DICER1: variants seen among roughly 807,000 people sequenced by gnomAD.
DICER1 encodes dicer 1, ribonuclease III.
In DICER1, 43 loss-of-function variants were observed where a neutral mutation model predicts 194.1. That is an observed-to-expected ratio of 0.22 (90% CI 0.17 to 0.29). DICER1 has a LOEUF of 0.29. Ranked by LOEUF, DICER1 falls within the 10% of genes least tolerant of loss-of-function variation. The pLI is 1.00. For missense variants in DICER1, 1,608 were observed against 2,317.0 expected (o/e 0.69, Z 6.28); for synonymous variants, 832 against 820.5 (o/e 1.01, Z -0.24).
At chr14:95,156,357 G>A (rs940373454) in intron 1 of DICER1, among the ~76,000 whole-genome samples, 4 of 152,170 alleles carry the variant, frequency 2.6e-5, no homozygotes, top group Non-Finnish European at 4.4e-5. Flanking sequence ...TTATCGTGTA[G>A]ACCAGTAACG....
At chr14:95,144,146 ATATACT>A (rs1174279555) in intron 1 of DICER1, among the ~76,000 whole-genome samples, 2 of 152,138 alleles carry the variant, frequency 1.3e-5, no homozygotes. Context: ...ATATTTATAC[ATATACT>A]TATATATACA....
At chr14:95,123,141 G>A (rs1029924605) in intron 8 of DICER1, among the ~76,000 whole-genome samples, 14 of 152,052 alleles carry the variant, frequency 9.2e-5, no homozygotes, top group Admixed American at 8.5e-4. Context: ...AAAAATAAGA[G>A]TATCTATCTA....
Position 95,128,992 on chromosome 14 carries a change from G to C in DICER1, c.734+480C>G, listed in dbSNP as rs182031470. Reference sequence around the variant, plus strand: ...CTCAAAATAGTAACCCTCTCAAAAAGAGTCAAACCTAGAAATCACAAACAG... The same window carrying C: ...CTCAAAATAGTAACCCTCTCAAAAACAGTCAAACCTAGAAATCACAAACAG... On this transcript the variant is annotated intron_variant, in intron 6 of 26. Coordinates refer to ENST00000343455, the MANE Select transcript of DICER1 (RefSeq NM_177438.3). 2.3e-4 allele frequency: 35 copies of C among 155,434 alleles called. No individual in the cohort carries two copies. In the East Asian group the frequency reaches 5.4e-3, roughly 24 times the overall value. 9.6% of individuals were successfully genotyped at this position (155,434 alleles called of 1,614,324 possible).
intron 1 of DICER1, among the ~76,000 whole-genome samples, chr14:95,152,126 A>G (rs1895552451): frequency 6.6e-6 from 1 of 152,220 alleles, no homozygotes; most frequent in Non-Finnish European, 1.5e-5. Context: ...TATGGCATAC[A>G]TTGAGCTGTC....
In DICER1 at chr14:95,129,464, G is replaced by A. The variant is rs1060504988; in HGVS notation, c.734+8C>T. 1 of 1,612,922 alleles carries A rather than the reference G, an allele frequency of 6.2e-7. No homozygotes were observed. Among genetic ancestry groups the A allele is most frequent in the Non-Finnish European group, 8.5e-7 (1 of 1,179,142 alleles). The stretch of plus-strand genomic sequence containing the variant: ...CTCATTAAAGCTGAGTCAATCAGAA[G>A]TGCATACCTGTCTAAGACCACCAGG... On this transcript the variant is annotated splice_region_variant and intron_variant, in intron 6 of 26. Transcript: ENST00000343455.
At position 95,108,108 on chromosome 14, in the gene DICER1, AT is replaced by A; in HGVS notation, c.2437-16del. On this transcript the variant is annotated splice_polypyrimidine_tract_variant and intron_variant, in intron 15 of 26. Coordinates refer to ENST00000343455, the MANE Select transcript of DICER1 (RefSeq NM_177438.3). ...AAGTGTGGAATCTTAGCAAAAGGAA[AT>A]GTAAAGCACCCCTCAAAATTAACAG... is the stretch of plus-strand genomic sequence containing the variant. The A allele has an allele frequency of 6.3e-7, 1 of 1,582,112 alleles. No individual in the cohort carries two copies. Among genetic ancestry groups the A allele is most frequent in the Non-Finnish European group, 8.7e-7 (1 of 1,151,266 alleles).
intron 3 of DICER1, among the ~76,000 whole-genome samples, chr14:95,131,901 A>G (rs1324683474): frequency 2.0e-5 from 3 of 152,188 alleles, no homozygotes; most frequent in African/African-American, 7.2e-5. Context: ...ATTTCCTCTA[A>G]GCCACCCTCC....
chr14:95,116,765 A>C lies in DICER1; in HGVS notation c.1510-70T>G, dbSNP rs113186145. On this transcript the variant is annotated intron_variant, in intron 9 of 26. Transcript: ENST00000343455. Reference sequence around the variant, plus strand: ...CTAAAATGAACAAAAAAAATTAGTAAAAGTAAATGACAACTGTCATTTCTG... The same window carrying C: ...CTAAAATGAACAAAAAAAATTAGTACAAGTAAATGACAACTGTCATTTCTG... 330 of 1,477,750 alleles carry C rather than the reference A, an allele frequency of 2.2e-4. No homozygotes were observed. The African/African-American group carries it at 3.7e-3, about 17-fold the overall frequency. 91.5% of individuals were successfully genotyped at this position (1,477,750 alleles called of 1,614,324 possible).
chr14:95,123,875 G>A (rs922137574), intron 8 of DICER1, among the ~76,000 whole-genome samples: 1 of 152,172 alleles, frequency 6.6e-6, no homozygotes, highest in Non-Finnish European at 1.5e-5. Context: ...TATCTGAATT[G>A]AATCTAAAAT....
chr14:95,101,435 T>C lies in DICER1; in HGVS notation c.4051-1500A>G, dbSNP rs570375820. 2.6e-5 allele frequency among the ~76,000 whole-genome samples: 4 copies of C among 152,324 alleles called. No homozygotes were observed. In the South Asian group the frequency reaches 6.2e-4, roughly 24 times the overall value. On this transcript the variant is annotated intron_variant, in intron 21 of 26. Transcript: ENST00000343455. ...CCACACTTGTCCAAGCCTCTGATAC[T>C]TTCTTCCTGCAACCACCTCTTGGAA... is the stretch of plus-strand genomic sequence containing the variant.
At chr14:95,153,712 G>A (rs1460407699) in intron 1 of DICER1, among the ~76,000 whole-genome samples, 1 of 152,024 alleles carries the variant, frequency 6.6e-6, no homozygotes, top group African/African-American at 2.4e-5. Context: ...CATTTTCATA[G>A]TACTCTAATA....
At chr14:95,092,471 A>C (rs1889934882) in intron 24 of DICER1, among the ~76,000 whole-genome samples, 2 of 152,352 alleles carry the variant, frequency 1.3e-5, no homozygotes, top group Middle Eastern at 3.4e-3. Context: ...TAGCCATACA[A>C]AGTTACATAT....
In DICER1 at chr14:95,088,768, C is replaced by T. The variant is rs1388290952; in HGVS notation, c.*1730G>A. 1.7e-5 allele frequency: 4 copies of T among 231,788 alleles called. No individual in the cohort carries two copies. The highest frequency in any genetic ancestry group is 6.7e-5 in the African/African-American group (3 of 44,496). 14.4% of individuals were successfully genotyped at this position (231,788 alleles called of 1,614,324 possible). A position where few individuals can be genotyped will look rare whatever the true frequency, so the allele number is the denominator to read the frequency against. ...GAAAGCAGAGCTGACAGTTTTCTGT[C>T]GGTGCACTCGCACAGAGGCATTTCT... On this transcript the variant is annotated 3_prime_UTR_variant, in exon 27 of 27. Transcript: ENST00000343455.
At chr14:95,149,832 T>C (rs748686094) in intron 1 of DICER1, among the ~76,000 whole-genome samples, 1 of 151,114 alleles carries the variant, frequency 6.6e-6, no homozygotes, top group East Asian at 1.9e-4. Context: ...AAACTCAAAT[T>C]AGACACTTTT....
Position 95,106,386 on chromosome 14 carries a change from A to C in DICER1, c.2805-163T>G, listed in dbSNP as rs1025743296. The C allele has an allele frequency of 1.6e-5, 10 of 643,436 alleles. No homozygotes were observed. In the African/African-American group the frequency reaches 1.6e-4, roughly 11 times the overall value. The allele number at this position is 643,436 out of a possible 1,614,324, so 39.9% of individuals were successfully genotyped here. A position where few individuals can be genotyped will look rare whatever the true frequency, so the allele number is the denominator to read the frequency against. On this transcript the variant is annotated intron_variant, in intron 17 of 26. Transcript: ENST00000343455. ...TCCAAATATATTTCAAGTATGTAAG[A>C]ACTGTATTTTTATCAAGTAAAAATG... is the stretch of plus-strand genomic sequence containing the variant.
chr14:95,151,255 G>C, intron 1 of DICER1, among the ~76,000 whole-genome samples: 1 of 152,160 alleles, frequency 6.6e-6, no homozygotes, highest in East Asian at 1.9e-4. Context: ...AACCAGTATA[G>C]ATAATCCTCC....
At position 95,087,156 on chromosome 14, in the gene DICER1, C is replaced by CG. The variant is rs766696071; in HGVS notation, c.*3341dup. 1 of 233,028 alleles carries CG rather than the reference C, an allele frequency of 4.3e-6. No individual in the cohort carries two copies. 14.4% of individuals were successfully genotyped at this position (233,028 alleles called of 1,614,324 possible). On this transcript the variant is annotated 3_prime_UTR_variant, in exon 27 of 27. Coordinates refer to ENST00000343455, the MANE Select transcript of DICER1 (RefSeq NM_177438.3). ...GGGAGCGACTGAAGAAGCCGACTGC[C>CG]GGGGGAACACCTGGATTCATGAACC...
In DICER1 at chr14:95,087,216, G is replaced by C. The variant is rs1236397122; in HGVS notation, c.*3282C>G. Reference sequence around the variant, plus strand: ...TCAAGTTTCATGTTGTCAAGGCAGGGTATCAGAATCTTTCTGAGGGCAAAG... The same window carrying C: ...TCAAGTTTCATGTTGTCAAGGCAGGCTATCAGAATCTTTCTGAGGGCAAAG... On this transcript the variant is annotated 3_prime_UTR_variant, in exon 27 of 27. Coordinates refer to ENST00000343455, the MANE Select transcript of DICER1 (RefSeq NM_177438.3). The C allele has an allele frequency of 6.9e-5, 16 of 233,178 alleles. No homozygotes were observed. Among genetic ancestry groups the C allele is most frequent in the East Asian group, 6.1e-4 (10 of 16,518 alleles). The allele number at this position is 233,178 out of a possible 1,614,324, so 14.4% of individuals were successfully genotyped here.
chr14:95,115,169 C>G lies in DICER1; in HGVS notation c.1907+498G>C, dbSNP rs535927550. Among the ~76,000 whole-genome samples the G allele has an allele frequency of 2.0e-3, 306 of 152,312 alleles. 2 individuals carry two copies. The highest frequency in any genetic ancestry group is 3.8e-3 in the Non-Finnish European group (260 of 68,024). On this transcript the variant is annotated intron_variant, in intron 11 of 26. Transcript: ENST00000343455. ...GGTTACAAAGAAAATCTTATACTTG[C>G]TCTTTTGTCTCTGAATAGAAATTAT...
Sources: allele counts gnomAD v4.1 joint callset (sites outside exome capture counted in the v4.1 genomes callset), GRCh38; gene constraint gnomAD v4.1.1; transcripts MANE v1.5; gene names NCBI Gene and HGNC (gene_info 2026-07-23, HGNC 2026-07-21).